The following NUAK2 variants were observed in gnomAD, a reference collection of about 807,000 sequenced individuals.
NUAK2 encodes NUAK family SNF1-like kinase 2.
In NUAK2, 20 loss-of-function variants were observed where a neutral mutation model predicts 29.8. The ratio of observed to expected loss-of-function variants is 0.67; its 90% CI spans 0.47 to 0.98. NUAK2 has a LOEUF of 0.98. Ranked by LOEUF, NUAK2 falls within the 50% of genes least tolerant of loss-of-function variation. The pLI is 0.00. For missense variants in NUAK2, 719 were observed against 834.5 expected (o/e 0.86, Z 1.71); for synonymous variants, 331 against 342.6 (o/e 0.97, Z 0.37).
chr1:205,305,390 G>A, intron 5 of NUAK2, 59 bp from the exon 6 acceptor site: 1 of 1,579,198 alleles, frequency 6.3e-7, no homozygotes, highest in Non-Finnish European at 8.6e-7. Context: ...AATGTTACAT[G>A]CTGGAGAACT....
intron 1 of NUAK2, among the ~76,000 whole-genome samples, chr1:205,316,331 G>C (rs1170363200): frequency 6.6e-6 from 1 of 152,220 alleles, no homozygotes; most frequent in Non-Finnish European, 1.5e-5. Flanking sequence ...TAGGGATTCA[G>C]ATAAAAAGTG....
chr1:205,306,753 G>A (rs1306608768), intron 4 of NUAK2, among the ~76,000 whole-genome samples: 1 of 152,136 alleles, frequency 6.6e-6, no homozygotes, highest in Non-Finnish European at 1.5e-5. Flanking sequence ...TCCTGCAGCT[G>A]CTAGCCCAGG....
At position 205,308,063 on chromosome 1, in the gene NUAK2, T is replaced by A. The variant is rs1006875933; in HGVS notation, c.570+102A>T. The A allele has an allele frequency of 3.1e-4, 244 of 782,162 alleles. No individual in the cohort carries two copies. Among genetic ancestry groups the A allele is most frequent in the Non-Finnish European group, 7.9e-5 (36 of 455,172 alleles). 48.5% of individuals were successfully genotyped at this position (782,162 alleles called of 1,614,324 possible). On this transcript the variant is annotated intron_variant, in intron 4 of 6. Transcript: ENST00000367157. This position sits in a 1 kb window ranked among gnomAD's most constrained non-coding sequence, Gnocchi z 4.1. The stretch of plus-strand genomic sequence containing the variant: ...CCAATGAAGGTCAGCCTTGCTCAGC[T>A]CCTTCAGGAATCCACCAAGAGCTTA...
At chr1:205,317,328 T>A (rs1662342563) in intron 1 of NUAK2, among the ~76,000 whole-genome samples, 1 of 152,226 alleles carries the variant, frequency 6.6e-6, no homozygotes, top group South Asian at 2.1e-4. Context: ...CACCCAGAGC[T>A]GGAGCCAAGA....
chr1:205,308,980 G>GA lies in NUAK2; in HGVS notation c.353-249_353-248insT, dbSNP rs1662220615. On this transcript the variant is annotated intron_variant, in intron 2 of 6. Coordinates refer to ENST00000367157, the MANE Select transcript of NUAK2 (RefSeq NM_030952.3). This position sits in a 1 kb window ranked among gnomAD's most constrained non-coding sequence, Gnocchi z 4.1. ...ATCCTCTGCCTCCGTGGAAGTTCAG[G>GA]CTTTTGGGAATTCTGAAAATGACCC... Among the ~76,000 whole-genome samples, 2 of 151,990 alleles carry GA rather than the reference G, an allele frequency of 1.3e-5. No individual in the cohort carries two copies. Among genetic ancestry groups the GA allele is most frequent in the Non-Finnish European group, 2.9e-5 (2 of 68,022 alleles).
intron 4 of NUAK2, 119 bp from the exon 5 acceptor site, chr1:205,306,426 C>T: frequency 3.8e-6 from 5 of 1,314,090 alleles, no homozygotes; most frequent in Non-Finnish European, 5.2e-6. Flanking sequence ...AGGAAAGGGT[C>T]CCCATGACCC....
chr1:205,319,219 G>A (rs535393238), intron 1 of NUAK2, among the ~76,000 whole-genome samples: 8 of 152,288 alleles, frequency 5.3e-5, no homozygotes, highest in African/African-American at 1.9e-4. Context: ...CTGCAGAACT[G>A]GGTGGTCTAT....
chr1:205,310,867 A>C (rs1165150390), intron 2 of NUAK2, among the ~76,000 whole-genome samples: 2 of 152,176 alleles, frequency 1.3e-5, no homozygotes, highest in Non-Finnish European at 2.9e-5. Context: ...TCTACCCTTA[A>C]GGCTCTACCC....
In NUAK2 at chr1:205,321,660, G is replaced by T. The variant is rs1558677968; in HGVS notation, c.-32C>A. 6.3e-7 allele frequency: 1 copy of T among 1,575,918 alleles called. No individual in the cohort carries two copies. The highest frequency in any genetic ancestry group is 8.6e-7 in the Non-Finnish European group (1 of 1,160,466). ...CAGGAGGTGAGCAAGGGCGGCAGGG[G>T]AATCAGTAGGCTGTGCGGGGAGGGC... On this transcript the variant is annotated 5_prime_UTR_variant, in exon 1 of 7. Coordinates refer to ENST00000367157, the MANE Select transcript of NUAK2 (RefSeq NM_030952.3).
At chr1:205,315,256 C>G (rs1368445872) in intron 1 of NUAK2, among the ~76,000 whole-genome samples, 2 of 152,228 alleles carry the variant, frequency 1.3e-5, no homozygotes, top group Admixed American at 6.5e-5. Flanking sequence ...TGCTCCCCAG[C>G]CTATCCTGGA....
intron 2 of NUAK2, among the ~76,000 whole-genome samples, chr1:205,309,066 C>T (rs1380794197): frequency 2.0e-5 from 3 of 151,528 alleles, no homozygotes; most frequent in Non-Finnish European, 4.4e-5. Flanking sequence ...CTCCTTGGTT[C>T]AAGAACCTGG....
At chr1:205,317,680 C>A (rs1204271605) in intron 1 of NUAK2, among the ~76,000 whole-genome samples, 1 of 152,174 alleles carries the variant, frequency 6.6e-6, no homozygotes, top group Non-Finnish European at 1.5e-5. Flanking sequence ...ACAAGAGTGG[C>A]CTGCAGCCTC....
chr1:205,314,644 T>C (rs553927873), intron 1 of NUAK2, among the ~76,000 whole-genome samples: 54 of 152,344 alleles, frequency 3.5e-4, no homozygotes, highest in South Asian at 3.3e-3. Flanking sequence ...TCTAAAATTC[T>C]TTGTTTAAAA....
chr1:205,316,085 T>C (rs890219080), intron 1 of NUAK2, among the ~76,000 whole-genome samples: 1 of 152,088 alleles, frequency 6.6e-6, no homozygotes. Context: ...CCAGATTCAA[T>C]GATAATAACA....
At chr1:205,305,177 A>T in intron 6 of NUAK2, 22 bp downstream of exon 6, 4 of 1,610,838 alleles carry the variant, frequency 2.5e-6, no homozygotes, top group Non-Finnish European at 3.4e-6. Flanking sequence ...CCTGGATAAG[A>T]ACGCCCACAC....
At chr1:205,314,973 C>T (rs1215095446) in intron 1 of NUAK2, among the ~76,000 whole-genome samples, 1 of 152,054 alleles carries the variant, frequency 6.6e-6, no homozygotes, top group Non-Finnish European at 1.5e-5. Context: ...AAGTTGAACC[C>T]CAAGATCCAT....
Position 205,303,592 on chromosome 1 carries a change from T to A in NUAK2, c.1745A>T (p.Glu582Val). The change falls in exon 7 of 7, where the codon GAG (glutamate) becomes GTG (valine). Residue 582 changes from glutamate to valine, a missense_variant. Physicochemically the swap from Glu to Val is moderately radical, Grantham distance 121 (BLOSUM62 -2). Around this residue, in one of 3 missense-constraint regions of NUAK2, gnomAD observed 430 missense variants for 465.7 expected, o/e 0.92. Transcript: ENST00000367157. ...GCTTCCAGGGCCCTCTGAGGGGGGCTCCTCAAGCCCCGTGAGGTTGTCCAC... is the reference window on the plus strand; with the variant it reads ...GCTTCCAGGGCCCTCTGAGGGGGGCACCTCAAGCCCCGTGAGGTTGTCCAC... Reference protein sequence around the residue: ...VSVDNLTGLEEPPSEGPGSCL... With the variant: ...VSVDNLTGLEVPPSEGPGSCL... 6.2e-7 allele frequency: 1 copy of A among 1,612,814 alleles called. No individual in the cohort carries two copies. Among genetic ancestry groups the A allele is most frequent in the South Asian group, 1.1e-5 (1 of 90,952 alleles).
intron 2 of NUAK2, 101 bp downstream of exon 2, chr1:205,311,604 A>G: frequency 6.8e-7 from 1 of 1,461,610 alleles, no homozygotes; most frequent in Non-Finnish European, 9.4e-7. Context: ...TATTTTTTTT[A>G]CTTCTTTATG....
chr1:205,317,627 T>G (rs1468937641), intron 1 of NUAK2, among the ~76,000 whole-genome samples: 1 of 152,188 alleles, frequency 6.6e-6, no homozygotes, highest in Non-Finnish European at 1.5e-5. Context: ...GGCAAGGAGC[T>G]TCCCTGCCCA....
Sources: gnomAD v4.1 joint callset for allele counts (sites outside exome capture counted in the v4.1 genomes callset) on GRCh38, gnomAD v4.1.1 for gene constraint, gnomAD v4.1.1 regional missense constraint, Gnocchi (gnomAD v3.1) non-coding constraint, MANE v1.5 for transcripts, NCBI Gene and HGNC (gene_info 2026-07-23, HGNC 2026-07-21) for gene names.